FAM228B: variants seen among roughly 807,000 people sequenced by gnomAD.
FAM228B encodes the protein protein FAM228B.
In FAM228B, 38 loss-of-function variants were observed where a neutral mutation model predicts 42.6. The ratio of observed to expected loss-of-function variants is 0.89; its 90% CI spans 0.69 to 1.17. FAM228B has a LOEUF of 1.17. Ranked by LOEUF, FAM228B falls within the 50% of genes most tolerant of loss-of-function variation. The pLI is 0.00. For synonymous variants in FAM228B, 109 were observed against 122.3 expected (o/e 0.89, Z 0.72); for missense variants, 344 against 367.3 (o/e 0.94, Z 0.52).
intron 2 of FAM228B, among the ~76,000 whole-genome samples, chr2:24,131,121 G>A (rs538795898): frequency 1.3e-5 from 2 of 152,048 alleles, no homozygotes; most frequent in Admixed American, 6.6e-5. Flanking sequence ...CTGGTTTGTC[G>A]AAGATCAGAT....
In FAM228B at chr2:24,159,595, C is replaced by G. The variant is rs184786674; in HGVS notation, c.687-1911C>G. Among the ~76,000 whole-genome samples, 513 of 152,262 alleles carry G rather than the reference C, an allele frequency of 3.4e-3. 4 individuals are homozygous for G. Among genetic ancestry groups the G allele is most frequent in the African/African-American group, 0.012 (503 of 41,548 alleles). On this transcript the variant is annotated intron_variant, in intron 7 of 10. Transcript: ENST00000615575. ...AGAGGAAACATCCCATCTGAAGTTA[C>G]CAATAGGAGTTCGGTACAGTTCTGT...
At chr2:24,130,968 TA>T (rs1666440042) in intron 2 of FAM228B, among the ~76,000 whole-genome samples, 1 of 152,218 alleles carries the variant, frequency 6.6e-6, no homozygotes, top group Admixed American at 6.5e-5. Flanking sequence ...TTAATTTTTG[TA>T]TACAGTGTAA....
At chr2:24,079,926 C>A (rs1174350347) in intron 1 of FAM228B, among the ~76,000 whole-genome samples, 1 of 152,178 alleles carries the variant, frequency 6.6e-6, no homozygotes, top group African/African-American at 2.4e-5. Context: ...CCCACTGACA[C>A]CCAGGCACGA....
upstream of FAM228B, chr2:24,121,362 T>G: frequency 6.5e-7 from 1 of 1,529,570 alleles, no homozygotes; most frequent in Non-Finnish European, 8.9e-7. Flanking sequence ...CAGCCAAATT[T>G]AGCCCACTAC....
chr2:24,093,589 G>A (rs1254770732), intron 2 of FAM228B, among the ~76,000 whole-genome samples: 3 of 151,156 alleles, frequency 2.0e-5, no homozygotes, highest in South Asian at 2.1e-4. Context: ...CTTTGCTATT[G>A]TAAACAGTGC....
chr2:24,165,467 A>G, intron 9 of FAM228B: 1 of 471,120 alleles, frequency 2.1e-6, no homozygotes, highest in Non-Finnish European at 4.4e-6. Flanking sequence ...GTGATCTCCA[A>G]GGATCCTCAG....
intron 2 of FAM228B, among the ~76,000 whole-genome samples, chr2:24,127,756 G>A (rs544264080): frequency 2.0e-5 from 3 of 151,680 alleles, no homozygotes; most frequent in South Asian, 2.1e-4. Flanking sequence ...TCCGCCTCCC[G>A]GGTTCAAGCA....
chr2:24,163,251 C>T (rs1159934263), intron 8 of FAM228B, among the ~76,000 whole-genome samples: 1 of 152,110 alleles, frequency 6.6e-6, no homozygotes, highest in East Asian at 1.9e-4. Context: ...TGAATAAATA[C>T]AGTGTGGCAG....
At chr2:24,158,944 T>C (rs894987110) in intron 7 of FAM228B, among the ~76,000 whole-genome samples, 1 of 152,214 alleles carries the variant, frequency 6.6e-6, no homozygotes, top group Non-Finnish European at 1.5e-5. Context: ...AGGGCCACTC[T>C]CTCTGAAGGC....
intron 2 of FAM228B, chr2:24,082,889 A>C (rs769605619): frequency 1.2e-6 from 2 of 1,603,692 alleles, no homozygotes; most frequent in Admixed American, 3.4e-5. Flanking sequence ...CCTCACCCAC[A>C]AGATGTAACA....
intron 3 of FAM228B, among the ~76,000 whole-genome samples, chr2:24,109,800 TG>T (rs1665759254): frequency 6.6e-6 from 1 of 152,190 alleles, no homozygotes; most frequent in Non-Finnish European, 1.5e-5. Context: ...TTGGCGAGGT[TG>T]TGGAGAAAAG....
At chr2:24,126,580 GA>G (rs1666313885) in intron 2 of FAM228B, among the ~76,000 whole-genome samples, 1 of 150,864 alleles carries the variant, frequency 6.6e-6, no homozygotes, top group Admixed American at 6.6e-5. Context: ...TCTTCCTATT[GA>G]GATATAATTT....
intron 7 of FAM228B, among the ~76,000 whole-genome samples, chr2:24,155,503 G>T (rs1290984355): frequency 6.3e-5 from 3 of 47,766 alleles, no homozygotes; most frequent in Admixed American, 2.5e-4. Context: ...TGAAGACCAT[G>T]CATATATATA....
chr2:24,081,018 A>T, intron 2 of FAM228B: 1 of 1,612,812 alleles, frequency 6.2e-7, no homozygotes, highest in Middle Eastern at 1.6e-4. Context: ...CATAGTCTCC[A>T]GCCTGAACAT....
chr2:24,148,148 G>A (rs1573775803), intron 7 of FAM228B, among the ~76,000 whole-genome samples: 1 of 152,062 alleles, frequency 6.6e-6, no homozygotes, highest in Admixed American at 6.6e-5. Context: ...CAGTGGTTAG[G>A]CTGCTTTTCC....
intron 2 of FAM228B, among the ~76,000 whole-genome samples, chr2:24,092,242 AAGGAATAGTAGT>A (rs1170906344): frequency 1.3e-5 from 2 of 150,134 alleles, no homozygotes; most frequent in African/African-American, 4.9e-5. Flanking sequence ...AAAAAAAAAA[AAGGAATAGTAGT>A]AGGAAAGACT....
At chr2:24,148,452 T>G (rs1666946724) in intron 7 of FAM228B, among the ~76,000 whole-genome samples, 1 of 152,208 alleles carries the variant, frequency 6.6e-6, no homozygotes, top group African/African-American at 2.4e-5. Flanking sequence ...CTTATCCTTG[T>G]GGCAGCCAAA....
intron 7 of FAM228B, 72 bp from the exon 8 acceptor site, chr2:24,161,434 A>C: frequency 1.1e-6 from 1 of 900,376 alleles, no homozygotes; most frequent in Non-Finnish European, 1.7e-6. Context: ...CCTGAGCAAC[A>C]GAGATCTTGT....
At chr2:24,144,517 G>C (rs967015893) in intron 5 of FAM228B, among the ~76,000 whole-genome samples, 1 of 152,158 alleles carries the variant, frequency 6.6e-6, no homozygotes, top group Admixed American at 6.5e-5. Context: ...CTTGGAACAC[G>C]TCATCTAAGA....
Sources: allele counts gnomAD v4.1 joint callset (sites outside exome capture counted in the v4.1 genomes callset), GRCh38; gene constraint gnomAD v4.1.1; transcripts MANE v1.5; gene names NCBI Gene and HGNC (gene_info 2026-07-23, HGNC 2026-07-21).